PIEZO2: variants seen among roughly 807,000 people sequenced by gnomAD.
The protein encoded by PIEZO2 is piezo type mechanosensitive ion channel component 2, also known as piezo-type mechanosensitive ion channel component 2.
A neutral mutation model predicts 337.3 loss-of-function variants in PIEZO2; 172 were observed. That is an observed-to-expected ratio of 0.51 (90% CI 0.45 to 0.58). PIEZO2 has a LOEUF of 0.58. PIEZO2 is among the 20% of genes least tolerant of loss of function. The pLI is 0.00. For missense variants in PIEZO2, 3,028 were observed against 3,391.3 expected (o/e 0.89, Z 2.66); for synonymous variants, 1,251 against 1,228.5 (o/e 1.02, Z -0.38).
chr18:10,899,019 T>C lies in PIEZO2; in HGVS notation c.329+12167A>G, dbSNP rs2042977811. Among the ~76,000 whole-genome samples, 1 of 152,092 alleles carries C rather than the reference T, an allele frequency of 6.6e-6. No homozygotes were observed. Among genetic ancestry groups the C allele is most frequent in the South Asian group, 2.1e-4 (1 of 4,824 alleles). ...AGGCAGGGAGGCAGAGAATACAACATGTATTTAGGCAGCTTCACATCCAGG... is the reference window on the plus strand; with the variant it reads ...AGGCAGGGAGGCAGAGAATACAACACGTATTTAGGCAGCTTCACATCCAGG... On this transcript the variant is annotated intron_variant, in intron 4 of 55. Coordinates refer to ENST00000674853, the MANE Select transcript of PIEZO2 (RefSeq NM_001378183.1). The surrounding 1 kb of genome is among the most constrained non-coding windows in gnomAD (Gnocchi z 4.6).
intron 2 of PIEZO2, among the ~76,000 whole-genome samples, chr18:11,052,161 G>A (rs2037557707): frequency 6.6e-6 from 1 of 152,054 alleles, no homozygotes; most frequent in Admixed American, 6.5e-5. Flanking sequence ...ATGAGTTAGT[G>A]TATAGAGGGT....
At chr18:10,711,338 T>A (rs925628142) in intron 39 of PIEZO2, among the ~76,000 whole-genome samples, 1 of 152,246 alleles carries the variant, frequency 6.6e-6, no homozygotes, top group Admixed American at 6.5e-5. Flanking sequence ...TTGAATATTC[T>A]CTGAGGCCAC....
rs1203811230 is a variant in PIEZO2, at chr18:10,828,878, AC to A, written c.918-21605del. Among the ~76,000 whole-genome samples, 12 of 152,166 alleles carry A rather than the reference AC, an allele frequency of 7.9e-5. No homozygotes were observed. The highest frequency in any genetic ancestry group is 6.5e-4 in the Admixed American group (10 of 15,276). On this transcript the variant is annotated intron_variant, in intron 7 of 55. Coordinates refer to ENST00000674853, the MANE Select transcript of PIEZO2 (RefSeq NM_001378183.1). The surrounding 1 kb of genome is among the most constrained non-coding windows in gnomAD (Gnocchi z 4.1). ...AGTTCAATGTATGCTGAGATTAACA[AC>A]AGAGACAGTTGAGCTTTGCTGCTGG...
rs1045764088 is a variant in PIEZO2, at chr18:10,682,989, G to A, written c.7498-697C>T. Among the ~76,000 whole-genome samples the A allele has an allele frequency of 2.0e-5, 3 of 152,170 alleles. No homozygotes were observed. Among genetic ancestry groups the A allele is most frequent in the African/African-American group, 7.2e-5 (3 of 41,452 alleles). ...ACTAAGCCCCCTGCTTAAAGACTAT[G>A]GACAAGTGGAAATTGGAGCTGTGCT... is the stretch of plus-strand genomic sequence containing the variant. On this transcript the variant is annotated intron_variant, in intron 49 of 55. Transcript: ENST00000674853. The surrounding 1 kb of genome is among the most constrained non-coding windows in gnomAD (Gnocchi z 5.6).
chr18:11,061,947 C>A (rs1205495290), intron 2 of PIEZO2, among the ~76,000 whole-genome samples: 4 of 152,194 alleles, frequency 2.6e-5, no homozygotes, highest in Non-Finnish European at 4.4e-5. Flanking sequence ...GCCCGCATTG[C>A]TAAGTCAATC....
chr18:11,141,483 G>A (rs2040644442), intron 1 of PIEZO2, among the ~76,000 whole-genome samples: 1 of 152,184 alleles, frequency 6.6e-6, no homozygotes, highest in Non-Finnish European at 1.5e-5. Flanking sequence ...TTGAGGTTCT[G>A]CATGCTGCGG....
rs944412959 is a variant in PIEZO2 at position 10,845,481 on chromosome 18, T to TTAA, written c.917+9869_917+9871dup. 7.6e-4 allele frequency among the ~76,000 whole-genome samples: 115 copies of TTAA among 152,162 alleles called. 1 individual carries two copies. Among genetic ancestry groups the TTAA allele is most frequent in the African/African-American group, 2.6e-3 (109 of 41,518 alleles). ...TGACTTAACCCTCACATGTAGCAGTTTAATAATAATAATAAAAAAATCACA... is the reference window on the plus strand; with the variant it reads ...TGACTTAACCCTCACATGTAGCAGTTTAATAATAATAATAATAAAAAAATCACA... On this transcript the variant is annotated intron_variant, in intron 7 of 55. Coordinates refer to ENST00000674853, the MANE Select transcript of PIEZO2 (RefSeq NM_001378183.1).
intron 13 of PIEZO2, among the ~76,000 whole-genome samples, chr18:10,792,072 A>T (rs1342378304): frequency 6.6e-6 from 1 of 152,018 alleles, no homozygotes; most frequent in Non-Finnish European, 1.5e-5. Context: ...TCAGCCTCCC[A>T]AGTAGCTGGG....
rs982811958 is a variant in PIEZO2 at position 10,693,732 on chromosome 18, A to G, written c.7190+2342T>C. Among the ~76,000 whole-genome samples, 10 of 151,412 alleles carry G rather than the reference A, an allele frequency of 6.6e-5. No homozygotes were observed. In the Admixed American group the frequency reaches 6.6e-4, roughly 10 times the overall value. On this transcript the variant is annotated intron_variant, in intron 47 of 55. Coordinates refer to ENST00000674853, the MANE Select transcript of PIEZO2 (RefSeq NM_001378183.1). ...GGATTAGGATCTAGTATCACCATTC[A>G]CTGGCTGAATGACTTTGGGGAGATC... is the stretch of plus-strand genomic sequence containing the variant.
chr18:11,112,768 T>C lies in PIEZO2; in HGVS notation c.64+35757A>G, dbSNP rs987113259. Among the ~76,000 whole-genome samples the C allele has an allele frequency of 3.3e-5, 5 of 152,126 alleles. No homozygotes were observed. Among genetic ancestry groups the C allele is most frequent in the African/African-American group, 1.2e-4 (5 of 41,424 alleles). On this transcript the variant is annotated intron_variant, in intron 1 of 55. Coordinates refer to ENST00000674853, the MANE Select transcript of PIEZO2 (RefSeq NM_001378183.1). The surrounding 1 kb of genome is among the most constrained non-coding windows in gnomAD (Gnocchi z 4.3). The stretch of plus-strand genomic sequence containing the variant: ...TAATGCCACAGGACTGAACTGAAAA[T>C]GTGGGCTCCTTCTCTCCATCTGCAG...
At position 11,035,493 on chromosome 18, in the gene PIEZO2, C is replaced by T. The variant is rs947182514; in HGVS notation, c.160+30634G>A. The stretch of plus-strand genomic sequence containing the variant: ...GAGTTAAATAAACCTGTTTCCTTTA[C>T]ATATCTCCCAGCCTCAGATATTCCT... On this transcript the variant is annotated intron_variant, in intron 2 of 55. Coordinates refer to ENST00000674853, the MANE Select transcript of PIEZO2 (RefSeq NM_001378183.1). This position sits in a 1 kb window ranked among gnomAD's most constrained non-coding sequence, Gnocchi z 4.3. Among the ~76,000 whole-genome samples the T allele has an allele frequency of 1.3e-5, 2 of 152,186 alleles. No homozygotes were observed. The highest frequency in any genetic ancestry group is 2.4e-5 in the African/African-American group (1 of 41,446).
chr18:10,907,946 C>A (rs2030107106), intron 4 of PIEZO2, among the ~76,000 whole-genome samples: 1 of 152,156 alleles, frequency 6.6e-6, no homozygotes, highest in African/African-American at 2.4e-5. Flanking sequence ...GATACACAAA[C>A]CTACATTACA....
At chr18:11,088,946 A>C (rs1469149353) in intron 1 of PIEZO2, among the ~76,000 whole-genome samples, 1 of 152,224 alleles carries the variant, frequency 6.6e-6, no homozygotes, top group Non-Finnish European at 1.5e-5. Context: ...TCCAAATGGG[A>C]ATTAGCCAGG....
In PIEZO2 at chr18:10,696,559, A is replaced by G; in HGVS notation, c.6828-20T>C. 6.2e-7 allele frequency: 1 copy of G among 1,610,994 alleles called. No homozygotes were observed. The highest frequency in any genetic ancestry group is 8.5e-7 in the Non-Finnish European group (1 of 1,179,294). ...AGCGTCCTGCAAAATGGAGACCCCC[A>G]CCCCCAACCCACTTGTTTCAGGAAG... On this transcript the variant is annotated intron_variant, in intron 45 of 55. Coordinates refer to ENST00000674853, the MANE Select transcript of PIEZO2 (RefSeq NM_001378183.1).
At chr18:11,059,232 A>AC (rs143674992) in intron 2 of PIEZO2, among the ~76,000 whole-genome samples, 68,795 of 151,994 alleles carry the variant, frequency 0.45, 18,627 homozygotes, top group East Asian at 0.95. Flanking sequence ...CACCAGGCCT[A>AC]CCCTACAAGA....
intron 4 of PIEZO2, among the ~76,000 whole-genome samples, chr18:10,901,868 C>A (rs939638269): frequency 6.6e-6 from 1 of 152,154 alleles, no homozygotes; most frequent in Middle Eastern, 3.4e-3. Context: ...CACACTTCCA[C>A]CTCTTCTGCT....
Position 10,877,899 on chromosome 18 carries a change from C to A in PIEZO2, c.330-6484G>T, listed in dbSNP as rs926161534. On this transcript the variant is annotated intron_variant, in intron 4 of 55. Transcript: ENST00000674853. This position sits in a 1 kb window ranked among gnomAD's most constrained non-coding sequence, Gnocchi z 5.3. ...CATTTCCCTCTACCTCAAATTCCGGCCATACTGAATGCACGTACCCAGAAC... is the reference window on the plus strand; with the variant it reads ...CATTTCCCTCTACCTCAAATTCCGGACATACTGAATGCACGTACCCAGAAC... 6.6e-6 allele frequency among the ~76,000 whole-genome samples: 1 copy of A among 152,142 alleles called. No individual in the cohort carries two copies. Among genetic ancestry groups the A allele is most frequent in the Non-Finnish European group, 1.5e-5 (1 of 68,016 alleles).
At chr18:10,734,117 T>C (rs951586716) in intron 35 of PIEZO2, among the ~76,000 whole-genome samples, 1 of 152,212 alleles carries the variant, frequency 6.6e-6, no homozygotes, top group Non-Finnish European at 1.5e-5. Flanking sequence ...TGTAAGATAA[T>C]TTTTTTGAAA....
At chr18:11,138,964 T>C (rs953043891) in intron 1 of PIEZO2, among the ~76,000 whole-genome samples, 3 of 152,210 alleles carry the variant, frequency 2.0e-5, no homozygotes, top group Non-Finnish European at 4.4e-5. Flanking sequence ...AGCTGATTGG[T>C]TCTCTAAGTT....
Sources: gnomAD v4.1 joint callset for allele counts (sites outside exome capture counted in the v4.1 genomes callset) on GRCh38, gnomAD v4.1.1 for gene constraint, Gnocchi (gnomAD v3.1) non-coding constraint, MANE v1.5 for transcripts, NCBI Gene and HGNC (gene_info 2026-07-23, HGNC 2026-07-21) for gene names.